CIP2A: variants seen among roughly 807,000 people sequenced by gnomAD.
CIP2A encodes the protein protein CIP2A.
Under a neutral mutation model 110.9 loss-of-function variants are expected in CIP2A, and 103 were observed. That is an observed-to-expected ratio of 0.93 (90% CI 0.79 to 1.09). The LOEUF (loss-of-function observed/expected upper bound fraction) is 1.09. CIP2A is among the 50% of genes least tolerant of loss of function. The pLI is 0.00. For missense variants in CIP2A, 1,088 were observed against 1,038.4 expected, an observed-to-expected ratio of 1.05 and a Z score of -0.66; for synonymous variants, 381 against 361.6, an observed-to-expected ratio of 1.05 and a Z score of -0.61.
chr3:108,582,959 C>A lies in CIP2A; in HGVS notation c.357+18G>T. 6.7e-7 allele frequency: 1 copy of A among 1,498,132 alleles called. No homozygotes were observed. Among genetic ancestry groups the A allele is most frequent in the Non-Finnish European group, 9.2e-7 (1 of 1,083,556 alleles). 92.8% of individuals were successfully genotyped at this position (1,498,132 alleles called of 1,614,324 possible). ...CTGACAGTAAGGAAAGGGGAATACA[C>A]TGTGTGGGTCTGTATACCTGCAAAA... On this transcript the variant is annotated intron_variant, in intron 3 of 20. Transcript: ENST00000295746.
chr3:108,553,681 T>C lies in CIP2A; in HGVS notation c.2374A>G (p.Asn792Asp), dbSNP rs1411098896. 6.6e-7 allele frequency: 1 copy of C among 1,515,640 alleles called. No individual in the cohort carries two copies. The highest frequency in any genetic ancestry group is 1.1e-5 in the South Asian group (1 of 88,926). 93.9% of individuals were successfully genotyped at this position (1,515,640 alleles called of 1,614,324 possible). Residue 792 changes from asparagine to aspartate, a missense_variant, in exon 19 of 21, where the codon AAT (asparagine) becomes GAT (aspartate). Asn to Asp is a conservative substitution (Grantham distance 23). Transcript: ENST00000295746. ...TTATGTTCTCTGTCTACTAGCTGAT[T>C]CTGTACTTCTTTTCTCTGTTCTTCT... Reference protein sequence around the residue: ...EKEEQRKEVQNQLVDREHKLA... With the variant: ...EKEEQRKEVQDQLVDREHKLA...
At chr3:108,568,362 C>T (rs1938259495) in intron 9 of CIP2A, 48 bp from the exon 10 acceptor site, 2 of 1,519,390 alleles carry the variant, frequency 1.3e-6, no homozygotes, top group East Asian at 4.6e-5. Flanking sequence ...ATGGAATATA[C>T]AATACAGAAA....
rs1390343953 is a variant in CIP2A, at chr3:108,551,198, C to T, written c.2669G>A (p.Ser890Asn). 2.5e-6 allele frequency: 4 copies of T among 1,593,638 alleles called. No individual in the cohort carries two copies. The highest frequency in any genetic ancestry group is 2.3e-5 in the East Asian group (1 of 43,436). ...KHSHMIAMIH[S>N]LSGGKINPET... ...TGGATTTATTTTTCCACCACTTAAA[C>T]TGTGGATCATTGCTATCATGTGGGA... is the stretch of plus-strand genomic sequence containing the variant. The change falls in exon 21 of 21, where the codon AGT becomes AAT. Residue 890 changes from serine to asparagine, a missense_variant. By Grantham distance (46) the Ser-to-Asn change is conservative. Transcript: ENST00000295746.
At chr3:108,568,100 GA>G (rs11386134) in intron 10 of CIP2A, 54 bp downstream of exon 10, 47 of 1,344,002 alleles carry the variant, frequency 3.5e-5, no homozygotes, top group Non-Finnish European at 4.4e-5. Flanking sequence ...TGCAATACTA[GA>G]AAAAAAAGAA....
In CIP2A at chr3:108,589,379, AC is replaced by A. The variant is rs1344476040; in HGVS notation, c.-5del. 1 of 1,608,066 alleles carries A rather than the reference AC, an allele frequency of 6.2e-7. No individual in the cohort carries two copies. Among genetic ancestry groups the A allele is most frequent in the South Asian group, 1.1e-5 (1 of 90,404 alleles). On this transcript the variant is annotated 5_prime_UTR_variant, in exon 1 of 21. Transcript: ENST00000295746. ...TCAAGCAGGCAGTGGAGTCCATTGCACCGGCCGCGGCCCGGCTTAGGGACCA... is the reference window on the plus strand; with the variant it reads ...TCAAGCAGGCAGTGGAGTCCATTGCACGGCCGCGGCCCGGCTTAGGGACCA...
Position 108,582,219 on chromosome 3 carries a change from A to G in CIP2A, c.358-17T>C. 9.5e-7 allele frequency: 1 copy of G among 1,048,080 alleles called. No homozygotes were observed. Among genetic ancestry groups the G allele is most frequent in the Non-Finnish European group, 1.4e-6 (1 of 701,958 alleles). 64.9% of individuals were successfully genotyped at this position (1,048,080 alleles called of 1,614,324 possible). ...TTGAATGCACTGAGAATAAGAAAAT[A>G]GTTATAAATATAAAGATATAAAAAC... On this transcript the variant is annotated splice_polypyrimidine_tract_variant and intron_variant, in intron 3 of 20. Transcript: ENST00000295746.
At chr3:108,555,672 T>A (rs1338236196) in intron 17 of CIP2A, among the ~76,000 whole-genome samples, 1 of 152,194 alleles carries the variant, frequency 6.6e-6, no homozygotes, top group Non-Finnish European at 1.5e-5. Flanking sequence ...AACATTTTTC[T>A]ACTGACCCCA....
chr3:108,560,525 G>A (rs1304857387), intron 14 of CIP2A, 124 bp downstream of exon 14: 9 of 635,638 alleles, frequency 1.4e-5, no homozygotes, highest in Non-Finnish European at 2.3e-5. Flanking sequence ...CCAGAATATT[G>A]TTATTTCTTA....
chr3:108,560,903 A>C, intron 13 of CIP2A, 62 bp from the exon 14 acceptor site: 3 of 1,188,642 alleles, frequency 2.5e-6, no homozygotes, highest in Non-Finnish European at 3.4e-6. Context: ...AGGCAGACTT[A>C]GTGCAGAATT....
chr3:108,585,014 T>C (rs1306987387), intron 2 of CIP2A, 51 bp downstream of exon 2: 2 of 1,525,440 alleles, frequency 1.3e-6, no homozygotes, highest in African/African-American at 2.8e-5. Flanking sequence ...CACTTTAAAA[T>C]ATTGTTCATA....
intron 8 of CIP2A, among the ~76,000 whole-genome samples, chr3:108,575,443 TATAC>T (rs753597194): frequency 9.3e-4 from 137 of 148,088 alleles, no homozygotes; most frequent in South Asian, 6.8e-3. Context: ...CACATACATA[TATAC>T]ATATACATGT....
intron 6 of CIP2A, 56 bp from the exon 7 acceptor site, chr3:108,579,482 T>C: frequency 3.2e-6 from 5 of 1,559,348 alleles, no homozygotes; most frequent in Non-Finnish European, 4.3e-6. Context: ...GACACCATCC[T>C]AAAAGGTAAA....
chr3:108,583,039 G>C lies in CIP2A; in HGVS notation c.295C>G (p.Leu99Val). 6.2e-7 allele frequency: 1 copy of C among 1,605,560 alleles called. No individual in the cohort carries two copies. Among genetic ancestry groups the C allele is most frequent in the Non-Finnish European group, 8.5e-7 (1 of 1,176,008 alleles). Residue 99 changes from leucine (L) to valine (V), a missense_variant, in exon 3 of 21, where the codon CTG becomes GTG. Physicochemically the swap from Leu to Val is conservative, Grantham distance 32. Transcript: ENST00000295746. The stretch of plus-strand genomic sequence containing the variant: ...ACCACTCCCGCCAGCACACTATTCA[G>C]ATTATATGTATTCTGAAGACAATCT... The part of the protein sequence containing the change: ...TRDCLQNTYN[L>V]NSVLAGVVCR...
Position 108,581,508 on chromosome 3 carries a change from T to C in CIP2A, c.456A>G (p.Gln152=), listed in dbSNP as rs142540128. Residue 152 remains glutamine (Q), a synonymous_variant, in exon 5 of 21, where the codon CAA becomes CAG. Transcript: ENST00000295746. The part of the protein sequence containing the change: ...ELITFLIDHI[Q]SSEDELKMPC... ...GCATTTTTAACTCATCTTCAGAAGATTGACTGTTGTTTTACATTGGTGTTT... is the reference window on the plus strand; with the variant it reads ...GCATTTTTAACTCATCTTCAGAAGACTGACTGTTGTTTTACATTGGTGTTT... 4.1e-5 allele frequency: 65 copies of C among 1,595,670 alleles called. No homozygotes were observed. Among genetic ancestry groups the C allele is most frequent in the South Asian group, 1.7e-4 (15 of 89,932 alleles).
chr3:108,577,294 C>G (rs1382003638), intron 7 of CIP2A, among the ~76,000 whole-genome samples: 2 of 152,110 alleles, frequency 1.3e-5, no homozygotes, highest in Non-Finnish European at 2.9e-5. Context: ...AAAGGGATAT[C>G]TGGTTGAAGA....
intron 12 of CIP2A, 99 bp from the exon 13 acceptor site, chr3:108,563,343 A>C: frequency 1.4e-6 from 1 of 730,738 alleles, no homozygotes; most frequent in South Asian, 1.7e-5. Context: ...TCTTAATTCT[A>C]GGCAAATTCT....
chr3:108,573,414 ATTT>A (rs905126209), intron 8 of CIP2A, among the ~76,000 whole-genome samples: 3 of 151,528 alleles, frequency 2.0e-5, no homozygotes, highest in South Asian at 2.1e-4. Context: ...AACGCGAATT[ATTT>A]TTTACTTTAA....
At chr3:108,554,878 A>G (rs1316574555) in intron 17 of CIP2A, among the ~76,000 whole-genome samples, 1 of 152,234 alleles carries the variant, frequency 6.6e-6, no homozygotes, top group Non-Finnish European at 1.5e-5. Flanking sequence ...AAACACAGAA[A>G]AAAATCCTTT....
chr3:108,577,561 A>G (rs1167360385), intron 7 of CIP2A, among the ~76,000 whole-genome samples: 4 of 152,188 alleles, frequency 2.6e-5, no homozygotes, highest in Non-Finnish European at 4.4e-5. Context: ...TGAAACAAAG[A>G]TAAGGTCATC....
Sources: gnomAD v4.1 joint callset for allele counts (sites outside exome capture counted in the v4.1 genomes callset) on GRCh38, gnomAD v4.1.1 for gene constraint, MANE v1.5 for transcripts, NCBI Gene and HGNC (gene_info 2026-07-23, HGNC 2026-07-21) for gene names.